Variants in SMYD3 observed in about 807,000 individuals in gnomAD.
SMYD3 encodes SET and MYND domain containing 3.
SMYD3 carries 36 observed loss-of-function variants against 57.7 expected under a neutral mutation model. The observed-to-expected ratio is 0.62, with a 90% CI of 0.48 to 0.82. The LOEUF is 0.82. SMYD3 is among the 40% of genes least tolerant of loss of function. The pLI is 0.00. For synonymous variants in SMYD3, 211 were observed against 195.0 expected, an observed-to-expected ratio of 1.08 and a Z score of -0.68; for missense variants, 515 against 538.8, an observed-to-expected ratio of 0.96 and a Z score of 0.44.
intron 5 of SMYD3, among the ~76,000 whole-genome samples, chr1:246,177,236 A>G (rs2148270137): frequency 6.6e-6 from 1 of 152,334 alleles, no homozygotes; most frequent in South Asian, 2.1e-4. Flanking sequence ...CAATCTCTCA[A>G]TTATGAGCAA....
intron 1 of SMYD3, among the ~76,000 whole-genome samples, chr1:246,370,322 T>G (rs1020550137): frequency 6.6e-6 from 1 of 152,122 alleles, no homozygotes; most frequent in Non-Finnish European, 1.5e-5. Context: ...ACAAAACCAT[T>G]TTTTGAGAAG....
chr1:246,363,111 G>A (rs1414073790), intron 1 of SMYD3, among the ~76,000 whole-genome samples: 3 of 148,774 alleles, frequency 2.0e-5, no homozygotes, highest in Non-Finnish European at 4.5e-5. Context: ...CTGCCTGGCC[G>A]CCCCGTCTGA....
chr1:245,899,580 A>C, intron 8 of SMYD3, among the ~76,000 whole-genome samples: 1 of 152,192 alleles, frequency 6.6e-6, no homozygotes, highest in Non-Finnish European at 1.5e-5. Flanking sequence ...CAGCAGAGTA[A>C]TCAAGTACTG....
chr1:246,011,878 A>T (rs1239373404), intron 5 of SMYD3, among the ~76,000 whole-genome samples: 1 of 152,202 alleles, frequency 6.6e-6, no homozygotes, highest in Non-Finnish European at 1.5e-5. Flanking sequence ...TCACTGCAGA[A>T]GAACTAAGTT....
intron 11 of SMYD3, among the ~76,000 whole-genome samples, chr1:245,763,464 G>C (rs899948343): frequency 1.3e-5 from 2 of 152,206 alleles, no homozygotes; most frequent in African/African-American, 4.8e-5. Flanking sequence ...AGCCCAGGGG[G>C]TTGTGATGCG....
Position 246,346,257 on chromosome 1 carries a change from T to G in SMYD3, c.228+8774A>C, listed in dbSNP as rs572706414. 4.6e-5 allele frequency among the ~76,000 whole-genome samples: 7 copies of G among 152,196 alleles called. No individual in the cohort carries two copies. The South Asian group carries it at 1.5e-3, about 32-fold the overall frequency. On this transcript the variant is annotated intron_variant, in intron 2 of 11. Coordinates refer to ENST00000490107, the MANE Select transcript of SMYD3 (RefSeq NM_001167740.2). ...CGAGACGTTCTACTGCACTCCAGTCTGGGCGACAGAGTGAGACTCTGTCTC... is the reference window on the plus strand; with the variant it reads ...CGAGACGTTCTACTGCACTCCAGTCGGGGCGACAGAGTGAGACTCTGTCTC...
chr1:246,257,957 G>C (rs1211473511), intron 5 of SMYD3, among the ~76,000 whole-genome samples: 1 of 152,188 alleles, frequency 6.6e-6, no homozygotes. Context: ...CTCTCCAAAA[G>C]TAGATGCTGC....
intron 10 of SMYD3, among the ~76,000 whole-genome samples, chr1:245,793,687 C>G (rs1379422508): frequency 1.3e-5 from 2 of 152,138 alleles, no homozygotes; most frequent in East Asian, 3.9e-4. Flanking sequence ...CCCGCCACAC[C>G]TCTCAAACCT....
At chr1:246,310,157 G>A (rs1006356256) in intron 5 of SMYD3, among the ~76,000 whole-genome samples, 2 of 149,630 alleles carry the variant, frequency 1.3e-5, no homozygotes, top group South Asian at 2.1e-4. Context: ...ATAATTAGAA[G>A]TAATTAGTAA....
chr1:246,387,199 A>G (rs1330258656), intron 1 of SMYD3, among the ~76,000 whole-genome samples: 4 of 152,240 alleles, frequency 2.6e-5, no homozygotes, highest in South Asian at 2.1e-4. Context: ...TACTTAGCAT[A>G]TGGTATACGG....
At chr1:245,900,879 G>T (rs2054140978) in intron 8 of SMYD3, among the ~76,000 whole-genome samples, 1 of 152,224 alleles carries the variant, frequency 6.6e-6, no homozygotes, top group South Asian at 2.1e-4. Flanking sequence ...ATCATGGTCT[G>T]GGAGGAATCC....
chr1:246,440,354 C>T (rs548289777), intron 1 of SMYD3, among the ~76,000 whole-genome samples: 2 of 152,158 alleles, frequency 1.3e-5, no homozygotes, highest in African/African-American at 2.4e-5. Flanking sequence ...GAGTACTTAC[C>T]GTTTGCCAAG....
chr1:246,457,127 A>G (rs1268463651), intron 1 of SMYD3, among the ~76,000 whole-genome samples: 1 of 152,118 alleles, frequency 6.6e-6, no homozygotes, highest in African/African-American at 2.4e-5. Context: ...GTCCATACTG[A>G]TCATCTCTGG....
At chr1:246,353,738 T>G (rs1264165088) in intron 2 of SMYD3, among the ~76,000 whole-genome samples, 4 of 152,294 alleles carry the variant, frequency 2.6e-5, no homozygotes, top group South Asian at 4.1e-4. Flanking sequence ...TTGTCCTTAT[T>G]AATAAAATAA....
At chr1:245,807,054 G>C (rs937423734) in intron 10 of SMYD3, among the ~76,000 whole-genome samples, 1 of 152,024 alleles carries the variant, frequency 6.6e-6, no homozygotes, top group Non-Finnish European at 1.5e-5. Flanking sequence ...AGTCAAGAGT[G>C]GGGTGTGGTC....
chr1:246,394,549 C>G (rs1391694408), intron 1 of SMYD3, among the ~76,000 whole-genome samples: 3 of 152,244 alleles, frequency 2.0e-5, no homozygotes, highest in East Asian at 1.9e-4. Flanking sequence ...ACAGAGAAAT[C>G]AGAATATTCG....
intron 8 of SMYD3, among the ~76,000 whole-genome samples, chr1:245,867,571 G>A (rs1341616043): frequency 1.3e-5 from 2 of 152,090 alleles, no homozygotes; most frequent in Non-Finnish European, 2.9e-5. Flanking sequence ...GGATAGAGCA[G>A]TAAATAAATC....
intron 1 of SMYD3, among the ~76,000 whole-genome samples, chr1:246,476,636 A>T (rs2068034271): frequency 6.6e-6 from 1 of 152,228 alleles, no homozygotes; most frequent in Non-Finnish European, 1.5e-5. Context: ...CAAATACAGA[A>T]CCAAGGGGCT....
intron 5 of SMYD3, among the ~76,000 whole-genome samples, chr1:246,215,501 A>C (rs2063150857): frequency 6.6e-6 from 1 of 152,148 alleles, no homozygotes; most frequent in African/African-American, 2.4e-5. Context: ...GGCAACATTA[A>C]ATTCTTCAAG....
Sources: gnomAD v4.1 joint callset for allele counts (sites outside exome capture counted in the v4.1 genomes callset) on GRCh38, gnomAD v4.1.1 for gene constraint, MANE v1.5 for transcripts, NCBI Gene and HGNC (gene_info 2026-07-23, HGNC 2026-07-21) for gene names.